PARP12: variants seen among roughly 807,000 people sequenced by gnomAD.
The protein encoded by PARP12 is protein mono-ADP-ribosyltransferase PARP12.
In PARP12, 59 loss-of-function variants were observed where a neutral mutation model predicts 72.4. The observed-to-expected ratio is 0.81, with a 90% CI of 0.66 to 1.01. PARP12 has a LOEUF of 1.01. Ranked by LOEUF, PARP12 falls within the 50% of genes least tolerant of loss-of-function variation. The probability of loss-of-function intolerance (pLI) is 0.00; values close to 1 mark genes in which losing one functional copy is unlikely to be tolerated. For missense variants in PARP12, 851 were observed against 914.0 expected, an observed-to-expected ratio of 0.93 and a Z score of 0.89; for synonymous variants, 403 against 371.4, an observed-to-expected ratio of 1.09 and a Z score of -0.98.
chr7:140,032,796 A>G (rs1815991227), intron 8 of PARP12, among the ~76,000 whole-genome samples: 1 of 152,200 alleles, frequency 6.6e-6, no homozygotes, highest in South Asian at 2.1e-4. Flanking sequence ...TTTTGCAAAG[A>G]GAAACATAAA....
At chr7:140,030,248 C>A (rs2116523009) in intron 8 of PARP12, among the ~76,000 whole-genome samples, 1 of 152,260 alleles carries the variant, frequency 6.6e-6, no homozygotes, top group Admixed American at 6.5e-5. Flanking sequence ...AGAGAAAATC[C>A]CTACAACCCA....
chr7:140,039,277 G>C (rs1324087896), intron 6 of PARP12, among the ~76,000 whole-genome samples: 3 of 152,208 alleles, frequency 2.0e-5, no homozygotes, highest in South Asian at 2.1e-4. Flanking sequence ...CTTTGGGCCT[G>C]AGGAAATGAA....
intron 1 of PARP12, among the ~76,000 whole-genome samples, chr7:140,060,745 G>A (rs1340149777): frequency 1.3e-5 from 1 of 77,932 alleles, no homozygotes; most frequent in South Asian, 3.1e-4. Flanking sequence ...GTTGTTCCCT[G>A]CTCTCCCCTG....
intron 9 of PARP12, 32 bp downstream of exon 9, chr7:140,028,581 C>T: frequency 6.5e-7 from 1 of 1,528,646 alleles, no homozygotes; most frequent in Non-Finnish European, 8.9e-7. Flanking sequence ...AGAACACCTT[C>T]CTGTCCAGCC....
At chr7:140,036,001 G>A (rs1032384046) in intron 7 of PARP12, among the ~76,000 whole-genome samples, 4 of 30,546 alleles carry the variant, frequency 1.3e-4, no homozygotes, top group African/African-American at 1.1e-3. Flanking sequence ...AGGAGGAGGA[G>A]AAGGAGGAGA....
At chr7:140,052,991 C>G (rs769591480) in intron 4 of PARP12, among the ~76,000 whole-genome samples, 3 of 152,160 alleles carry the variant, frequency 2.0e-5, no homozygotes, top group Admixed American at 2.0e-4. Flanking sequence ...AACTCTCACA[C>G]GTTGCTGGTG....
At chr7:140,060,745 G>C (rs1340149777) in intron 1 of PARP12, among the ~76,000 whole-genome samples, 2 of 77,932 alleles carry the variant, frequency 2.6e-5, no homozygotes, top group Non-Finnish European at 2.4e-5. Flanking sequence ...GTTGTTCCCT[G>C]CTCTCCCCTG....
chr7:140,056,059 TGAAA>T (rs775391883), intron 3 of PARP12, among the ~76,000 whole-genome samples: 4 of 152,186 alleles, frequency 2.6e-5, no homozygotes, highest in Non-Finnish European at 5.9e-5. Context: ...AGGTGCTGAA[TGAAA>T]GAGTGGGTAA....
intron 2 of PARP12, 88 bp downstream of exon 2, chr7:140,057,811 C>T (rs1335090322): frequency 1.8e-5 from 27 of 1,542,470 alleles, no homozygotes; most frequent in Non-Finnish European, 2.4e-5. Context: ...ACCAAGGGCC[C>T]ACCCATTCCA....
chr7:140,039,157 C>T (rs1816349484), intron 6 of PARP12, among the ~76,000 whole-genome samples: 1 of 152,208 alleles, frequency 6.6e-6, no homozygotes, highest in Non-Finnish European at 1.5e-5. Flanking sequence ...TCTCTGAAGT[C>T]TGTCTTCCTT....
chr7:140,043,882 C>T (rs1436064472), intron 5 of PARP12, among the ~76,000 whole-genome samples: 1 of 152,144 alleles, frequency 6.6e-6, no homozygotes, highest in Non-Finnish European at 1.5e-5. Context: ...AATCATACTT[C>T]GATGGGACAC....
chr7:140,024,428 G>A lies in PARP12; in HGVS notation c.*132C>T, dbSNP rs776196975. The A allele has an allele frequency of 1.1e-5, 11 of 1,016,550 alleles. No individual in the cohort carries two copies. The highest frequency in any genetic ancestry group is 4.0e-5 in the Admixed American group (2 of 49,716). 63.0% of individuals were successfully genotyped at this position (1,016,550 alleles called of 1,614,324 possible). A position where few individuals can be genotyped will look rare whatever the true frequency, so the allele number is the denominator to read the frequency against. On this transcript the variant is annotated 3_prime_UTR_variant, in exon 12 of 12. Coordinates refer to ENST00000263549, the MANE Select transcript of PARP12 (RefSeq NM_022750.4). ...AAAATCATTATTAGCAAGAGATTAA[G>A]AACATAACTTCATTGAGAGGTCAAT...
At chr7:140,031,996 A>C (rs1446980230) in intron 8 of PARP12, among the ~76,000 whole-genome samples, 2 of 152,202 alleles carry the variant, frequency 1.3e-5, no homozygotes, top group Non-Finnish European at 2.9e-5. Context: ...TATATAACAA[A>C]ACGAGGGCCA....
intron 5 of PARP12, among the ~76,000 whole-genome samples, chr7:140,042,913 T>G (rs555628258): frequency 2.6e-5 from 4 of 152,256 alleles, no homozygotes; most frequent in African/African-American, 9.6e-5. Flanking sequence ...AAGAATTTCT[T>G]GGCCGGGCAT....
intron 8 of PARP12, among the ~76,000 whole-genome samples, chr7:140,032,821 A>C (rs1197572304): frequency 6.6e-6 from 1 of 152,194 alleles, no homozygotes; most frequent in Non-Finnish European, 1.5e-5. Context: ...AGAAACCGGA[A>C]ACTAATGTTA....
chr7:140,035,912 G>GAGA lies in PARP12; in HGVS notation c.1325-1582_1325-1581insTCT, dbSNP rs1816141018. 1.2e-4 allele frequency among the ~76,000 whole-genome samples: 12 copies of GAGA among 99,348 alleles called. 1 individual carries two copies. The highest frequency in any genetic ancestry group is 5.2e-4 in the African/African-American group (11 of 21,014). The allele number at this position is 99,348 out of a possible 152,430, so 65.2% of individuals were successfully genotyped here. On this transcript the variant is annotated intron_variant, in intron 7 of 11. Transcript: ENST00000263549. ...GGAAGAGGAGGAGGACGAGGAGGAG[G>GAGA]ACAAGGAGGAGGACAAGGAGGAGGA...
Position 140,062,869 on chromosome 7 carries a change from C to A in PARP12, c.-22G>T. 7.9e-7 allele frequency: 1 copy of A among 1,262,800 alleles called. No homozygotes were observed. The highest frequency in any genetic ancestry group is 9.9e-7 in the Non-Finnish European group (1 of 1,006,242). 78.2% of individuals were successfully genotyped at this position (1,262,800 alleles called of 1,614,324 possible). On this transcript the variant is annotated 5_prime_UTR_variant, in exon 1 of 12. Transcript: ENST00000263549. ...CCATGGCCGCTGGGCCTGCTCCCGT[C>A]GGACCGCGGGTGGCGCGACGCGGAC...
intron 5 of PARP12, among the ~76,000 whole-genome samples, chr7:140,042,711 G>A (rs1190949609): frequency 6.6e-6 from 1 of 152,232 alleles, no homozygotes; most frequent in Non-Finnish European, 1.5e-5. Context: ...AAACCTGCCT[G>A]TATTAATGTT....
rs760504593 is a variant in PARP12, at chr7:140,026,230, C to T, written c.1747G>A (p.Val583Ile). 6.2e-7 allele frequency: 1 copy of T among 1,614,184 alleles called. No homozygotes were observed. The highest frequency in any genetic ancestry group is 8.5e-7 in the Non-Finnish European group (1 of 1,180,046). The change falls in exon 11 of 12, where the codon GTC (valine) becomes ATC (isoleucine). Residue 583 changes from valine (V) to isoleucine (I), a missense_variant. Physicochemically the swap from Val to Ile is conservative, Grantham distance 29 (BLOSUM62 3). This residue lies in a region of PARP12 where 347 missense variants were observed against 396.1 expected (regional missense o/e 0.88). Coordinates refer to ENST00000263549, the MANE Select transcript of PARP12 (RefSeq NM_022750.4). ...AICQQNFDWR[V>I]CGVHGTSYGK... Reference sequence around the variant, plus strand: ...TAGGAAGTGCCATGAACACCACAGACCCGCCAGTCAAAGTTCTGCTGGCAG... The same window carrying T: ...TAGGAAGTGCCATGAACACCACAGATCCGCCAGTCAAAGTTCTGCTGGCAG...
Sources: allele counts gnomAD v4.1 joint callset (sites outside exome capture counted in the v4.1 genomes callset), GRCh38; gene constraint gnomAD v4.1.1; regional missense constraint gnomAD v4.1.1; transcripts MANE v1.5; gene names NCBI Gene and HGNC (gene_info 2026-07-23, HGNC 2026-07-21).